CACNB4: variants seen among roughly 807,000 people sequenced by gnomAD.
The protein encoded by CACNB4 is calcium voltage-gated channel auxiliary subunit beta 4, also known as voltage-dependent L-type calcium channel subunit beta-4.
CACNB4 carries 32 observed loss-of-function variants against 71.2 expected under a neutral mutation model. The ratio of observed to expected loss-of-function variants is 0.45; its 90% CI spans 0.34 to 0.60. The LOEUF is 0.60. CACNB4 is among the 20% of genes least tolerant of loss of function. The pLI is 0.01. For missense variants in CACNB4, 464 were observed against 647.9 expected (o/e 0.72, Z 3.08); for synonymous variants, 231 against 236.9 (o/e 0.97, Z 0.23).
At chr2:152,046,820 A>T (rs1364711858) in intron 2 of CACNB4, among the ~76,000 whole-genome samples, 1 of 152,172 alleles carries the variant, frequency 6.6e-6, no homozygotes, top group South Asian at 2.1e-4. Context: ...AGCTTGTCCA[A>T]GCTCAAGTAT....
chr2:151,946,013 G>GTTA (rs139231797), intron 2 of CACNB4, among the ~76,000 whole-genome samples: 12 of 151,636 alleles, frequency 7.9e-5, no homozygotes, highest in Admixed American at 2.0e-4. Context: ...TATTGTTGTT[G>GTTA]TTATTATTAT....
rs921445663 is a variant in CACNB4 at position 151,833,658 on chromosome 2, T to C, written c.*5461A>G. ...AGTATCAAGCAGCAAGTTAAAAAGA[T>C]GGTAGATGAAGTAAATCTGACAAAA... On this transcript the variant is annotated 3_prime_UTR_variant, in exon 14 of 14. Transcript: ENST00000539935. The C allele has an allele frequency of 6.6e-6, 1 of 152,074 alleles. No homozygotes were observed. Among genetic ancestry groups the C allele is most frequent in the African/African-American group, 2.4e-5 (1 of 41,434 alleles). The allele number at this position is 152,074 out of a possible 1,614,324, so 9.4% of individuals were successfully genotyped here.
chr2:151,907,375 T>C (rs557368922), intron 2 of CACNB4, among the ~76,000 whole-genome samples: 4 of 152,204 alleles, frequency 2.6e-5, no homozygotes, highest in East Asian at 1.9e-4. Flanking sequence ...AGAAAAAATA[T>C]AGGCTATCTT....
At chr2:152,091,949 C>T (rs866729647) in intron 2 of CACNB4, among the ~76,000 whole-genome samples, 8 of 152,216 alleles carry the variant, frequency 5.3e-5, no homozygotes, top group Admixed American at 1.3e-4. Flanking sequence ...ACAGCAACCA[C>T]GCAGATTCAG....
intron 2 of CACNB4, chr2:151,962,930 A>AT (rs2099870031): frequency 6.6e-6 from 1 of 152,176 alleles, no homozygotes; most frequent in African/African-American, 2.4e-5. Context: ...AACCATACAA[A>AT]TTATACGATT....
At chr2:152,027,205 A>T (rs1684028467) in intron 2 of CACNB4, among the ~76,000 whole-genome samples, 1 of 152,120 alleles carries the variant, frequency 6.6e-6, no homozygotes. Context: ...TCCCAGCCAC[A>T]TTCCTCCTTT....
At chr2:152,040,375 T>C (rs1684811867) in intron 2 of CACNB4, among the ~76,000 whole-genome samples, 1 of 152,180 alleles carries the variant, frequency 6.6e-6, no homozygotes, top group Non-Finnish European at 1.5e-5. Flanking sequence ...ATTCATGCCC[T>C]CACATTTCAC....
At chr2:151,960,325 ACT>A (rs1422109565) in intron 2 of CACNB4, among the ~76,000 whole-genome samples, 3 of 152,058 alleles carry the variant, frequency 2.0e-5, no homozygotes, top group African/African-American at 7.2e-5. Flanking sequence ...GCTGGAATTG[ACT>A]CTCTCTTGTG....
At chr2:151,964,171 T>C (rs1472808586) in intron 2 of CACNB4, among the ~76,000 whole-genome samples, 7 of 151,828 alleles carry the variant, frequency 4.6e-5, no homozygotes, top group Non-Finnish European at 8.8e-5. Context: ...AAATTCATCA[T>C]GGCTAAACCA....
intron 2 of CACNB4, among the ~76,000 whole-genome samples, chr2:152,008,894 G>T (rs1682888227): frequency 2.0e-5 from 3 of 152,148 alleles, no homozygotes; most frequent in Admixed American, 2.0e-4. Flanking sequence ...ACTAGCACGG[G>T]GAAAGGCAAC....
At chr2:152,067,885 T>C (rs1320508268) in intron 2 of CACNB4, among the ~76,000 whole-genome samples, 1 of 152,210 alleles carries the variant, frequency 6.6e-6, no homozygotes, top group East Asian at 1.9e-4. Flanking sequence ...ATAAGAATCA[T>C]GGAGTTGTAT....
chr2:152,032,306 G>T (rs567570466), intron 2 of CACNB4, among the ~76,000 whole-genome samples: 1 of 152,288 alleles, frequency 6.6e-6, no homozygotes, highest in East Asian at 1.9e-4. Flanking sequence ...CCAGGAAGGG[G>T]CAACAGCCAT....
intron 2 of CACNB4, among the ~76,000 whole-genome samples, chr2:151,895,833 T>A (rs1386635086): frequency 2.2e-5 from 3 of 136,282 alleles, no homozygotes; most frequent in Non-Finnish European, 3.1e-5. Flanking sequence ...TAAGTACTTT[T>A]ATTAATTGTG....
At chr2:151,946,263 A>T (rs939021349) in intron 2 of CACNB4, among the ~76,000 whole-genome samples, 57 of 151,088 alleles carry the variant, frequency 3.8e-4, no homozygotes, top group Admixed American at 3.7e-3. Flanking sequence ...CGGGAGGTGG[A>T]GGTTGCAGTG....
chr2:152,028,093 C>T (rs895020743), intron 2 of CACNB4, among the ~76,000 whole-genome samples: 5 of 152,104 alleles, frequency 3.3e-5, no homozygotes, highest in African/African-American at 4.8e-5. Context: ...ACAAGGATCG[C>T]CTGAGCAGAA....
chr2:151,895,087 CAAAT>C (rs1373239082), intron 2 of CACNB4, among the ~76,000 whole-genome samples: 1 of 134,670 alleles, frequency 7.4e-6, no homozygotes, highest in East Asian at 2.4e-4. Flanking sequence ...AACCAGAACT[CAAAT>C]AGCCCCACAC....
intron 2 of CACNB4, among the ~76,000 whole-genome samples, chr2:151,901,949 G>A (rs1421005232): frequency 6.6e-6 from 1 of 151,672 alleles, no homozygotes; most frequent in African/African-American, 2.4e-5. Context: ...TTGAGTTATT[G>A]TCAAAGAAGG....
intron 2 of CACNB4, among the ~76,000 whole-genome samples, chr2:152,065,061 T>C (rs183579573): frequency 9.8e-5 from 15 of 152,318 alleles, no homozygotes; most frequent in African/African-American, 3.4e-4. Flanking sequence ...CTTGCTTGTG[T>C]GGTAAATGTG....
intron 2 of CACNB4, among the ~76,000 whole-genome samples, chr2:152,095,443 GA>G (rs1235218677): frequency 4.0e-5 from 6 of 151,692 alleles, no homozygotes; most frequent in Non-Finnish European, 7.4e-5. Context: ...GTAACACATC[GA>G]TTTTTTTTTT....
Sources: gnomAD v4.1 joint callset for allele counts (sites outside exome capture counted in the v4.1 genomes callset) on GRCh38, gnomAD v4.1.1 for gene constraint, MANE v1.5 for transcripts, NCBI Gene and HGNC (gene_info 2026-07-23, HGNC 2026-07-21) for gene names.